MBD5: variants seen among roughly 807,000 people sequenced by gnomAD.
The protein encoded by MBD5 is methyl-CpG-binding domain protein 5.
A neutral mutation model predicts 117.3 loss-of-function variants in MBD5; 13 were observed. That is an observed-to-expected ratio of 0.11 (90% CI 0.07 to 0.18). The LOEUF (loss-of-function observed/expected upper bound fraction) is 0.18. MBD5 is among the 10% of genes least tolerant of loss of function. The pLI is 1.00. For synonymous variants in MBD5, 727 were observed against 766.4 expected, an observed-to-expected ratio of 0.95 and a Z score of 0.85; for missense variants, 1,879 against 2,093.8, an observed-to-expected ratio of 0.90 and a Z score of 2.00.
intron 4 of MBD5, among the ~76,000 whole-genome samples, chr2:148,365,972 T>G (rs763020932): frequency 3.9e-5 from 6 of 152,128 alleles, no homozygotes; most frequent in Non-Finnish European, 8.8e-5. Flanking sequence ...CCTAACTCAT[T>G]TTATGAGGCC....
At chr2:148,475,815 C>A (rs1680945415) in intron 8 of MBD5, among the ~76,000 whole-genome samples, 1 of 152,074 alleles carries the variant, frequency 6.6e-6, no homozygotes, top group African/African-American at 2.4e-5. Context: ...AAAAATATTC[C>A]TATGATGTCA....
chr2:148,396,504 A>T (rs1212643144), intron 4 of MBD5, among the ~76,000 whole-genome samples: 1 of 152,136 alleles, frequency 6.6e-6, no homozygotes, highest in African/African-American at 2.4e-5. Flanking sequence ...TGTAGATTCC[A>T]TGCTTACCTA....
In MBD5 at chr2:148,078,417, G is replaced by C. The variant is rs540633844; in HGVS notation, c.-925+56733G>C. ...AAAGTATTTTACCAGTCTTCTATTT[G>C]TTTGGAGACTACCAGATACACACAA... On this transcript the variant is annotated intron_variant, in intron 1 of 13. Coordinates refer to ENST00000642680, the MANE Select transcript of MBD5 (RefSeq NM_001378120.1). 6.0e-4 allele frequency among the ~76,000 whole-genome samples: 91 copies of C among 152,056 alleles called. 1 individual carries two copies. The highest frequency in any genetic ancestry group is 1.3e-3 in the Admixed American group (20 of 15,260).
chr2:148,362,365 A>C (rs1006363245), intron 4 of MBD5, among the ~76,000 whole-genome samples: 3 of 152,202 alleles, frequency 2.0e-5, no homozygotes, highest in Non-Finnish European at 2.9e-5. Flanking sequence ...AAACAAGGCC[A>C]TCAGGAAGTT....
At chr2:148,261,677 G>A (rs1700736982) in intron 3 of MBD5, among the ~76,000 whole-genome samples, 2 of 152,332 alleles carry the variant, frequency 1.3e-5, no homozygotes, top group African/African-American at 4.8e-5. Context: ...TATCATTTGT[G>A]TATTAACTGA....
intron 1 of MBD5, among the ~76,000 whole-genome samples, chr2:148,034,958 A>C (rs1283627608): frequency 6.6e-6 from 1 of 152,196 alleles, no homozygotes; most frequent in Non-Finnish European, 1.5e-5. Flanking sequence ...CCATAGACTG[A>C]ATACTACAAT....
At chr2:148,421,155 C>A (rs1375330925) in intron 4 of MBD5, among the ~76,000 whole-genome samples, 1 of 152,190 alleles carries the variant, frequency 6.6e-6, no homozygotes, top group East Asian at 1.9e-4. Context: ...ACAGGAACAG[C>A]TCCGGTCTGC....
At chr2:148,320,323 G>A (rs1343605763) in intron 3 of MBD5, among the ~76,000 whole-genome samples, 1 of 151,948 alleles carries the variant, frequency 6.6e-6, no homozygotes, top group African/African-American at 2.4e-5. Flanking sequence ...TTGGGAGTTT[G>A]GGTTTGTTGT....
At chr2:148,440,832 T>G (rs1706297165) in intron 4 of MBD5, among the ~76,000 whole-genome samples, 2 of 151,878 alleles carry the variant, frequency 1.3e-5, no homozygotes, top group Admixed American at 1.3e-4. Context: ...TTAAAGAAAA[T>G]GGGGAGAAGT....
At chr2:148,229,715 G>A (rs1699935005) in intron 2 of MBD5, among the ~76,000 whole-genome samples, 1 of 152,078 alleles carries the variant, frequency 6.6e-6, no homozygotes, top group Admixed American at 6.6e-5. Flanking sequence ...TCTGCTTTAG[G>A]GGCACCACAA....
chr2:148,180,148 T>C (rs1043176777), intron 2 of MBD5, among the ~76,000 whole-genome samples: 13 of 151,638 alleles, frequency 8.6e-5, no homozygotes, highest in African/African-American at 3.1e-4. Context: ...TGAATATTAT[T>C]GTCAGAAATG....
intron 11 of MBD5, among the ~76,000 whole-genome samples, chr2:148,493,675 A>C (rs1681599674): frequency 6.6e-6 from 1 of 152,232 alleles, no homozygotes; most frequent in South Asian, 2.1e-4. Flanking sequence ...TCATAATAGT[A>C]ACTGACTTGG....
At chr2:148,060,435 C>T (rs1049869875) in intron 1 of MBD5, among the ~76,000 whole-genome samples, 4 of 151,264 alleles carry the variant, frequency 2.6e-5, no homozygotes, top group African/African-American at 9.7e-5. Context: ...TAAATTTTCA[C>T]CATGTTTCCT....
chr2:148,464,524 G>A (rs993352421), intron 7 of MBD5, among the ~76,000 whole-genome samples: 3 of 151,862 alleles, frequency 2.0e-5, no homozygotes, highest in African/African-American at 7.3e-5. Context: ...ATATTTCAGA[G>A]TACAAGGGCA....
chr2:148,418,643 T>C (rs1559062808), intron 4 of MBD5, among the ~76,000 whole-genome samples: 1 of 151,972 alleles, frequency 6.6e-6, no homozygotes, highest in Non-Finnish European at 1.5e-5. Flanking sequence ...AAAAATAAAA[T>C]AAAATATTTA....
At chr2:148,349,918 A>G (rs77091190) in intron 4 of MBD5, among the ~76,000 whole-genome samples, 1,526 of 152,146 alleles carry the variant, frequency 0.01, 24 homozygotes, top group African/African-American at 0.035. Context: ...AAATAAAAAT[A>G]TAAACCCAGA....
chr2:148,200,090 C>G (rs1273716787), intron 2 of MBD5, among the ~76,000 whole-genome samples: 1 of 152,072 alleles, frequency 6.6e-6, no homozygotes, highest in African/African-American at 2.4e-5. Context: ...ATAGTTTCCT[C>G]ACCTTCTTTA....
intron 1 of MBD5, among the ~76,000 whole-genome samples, chr2:148,075,918 A>G (rs1695497211): frequency 6.6e-6 from 1 of 152,152 alleles, no homozygotes; most frequent in African/African-American, 2.4e-5. Context: ...TTTTTTATTC[A>G]GTGCCCACAT....
intron 3 of MBD5, among the ~76,000 whole-genome samples, chr2:148,334,335 T>C (rs900114706): frequency 9.9e-5 from 15 of 151,758 alleles, no homozygotes; most frequent in Admixed American, 9.9e-4. Flanking sequence ...TTCTTATTTG[T>C]TTTGTTTTTT....
Sources: gnomAD v4.1 joint callset for allele counts (sites outside exome capture counted in the v4.1 genomes callset) on GRCh38, gnomAD v4.1.1 for gene constraint, MANE v1.5 for transcripts, NCBI Gene and HGNC (gene_info 2026-07-23, HGNC 2026-07-21) for gene names.